Variants in PTH2R observed in about 807,000 individuals in gnomAD.
The protein encoded by PTH2R is parathyroid hormone 2 receptor, also known as PTH2 receptor.
PTH2R carries 59 observed loss-of-function variants against 60.3 expected under a neutral mutation model. That is an observed-to-expected ratio of 0.98 (90% CI 0.79 to 1.22). PTH2R has a LOEUF of 1.22. PTH2R is among the 50% of genes most tolerant of loss of function. The pLI is 0.00. For missense variants in PTH2R, 749 were observed against 682.6 expected (o/e 1.10, Z -1.08); for synonymous variants, 256 against 243.8 (o/e 1.05, Z -0.47).
chr2:208,481,336 G>A (rs866457803), intron 10 of PTH2R, among the ~76,000 whole-genome samples, 172 bp downstream of exon 10: 2 of 150,424 alleles, frequency 1.3e-5, no homozygotes, highest in Non-Finnish European at 2.9e-5. Flanking sequence ...TCAGCCTCCC[G>A]AGTAGCTGGG....
At chr2:208,388,482 C>T (rs1445025683) in intron 1 of PTH2R, among the ~76,000 whole-genome samples, 18 of 152,186 alleles carry the variant, frequency 1.2e-4, no homozygotes, top group Admixed American at 1.2e-3. Flanking sequence ...CATGTTCATA[C>T]CTGTGTCCCA....
chr2:208,483,668 G>T (rs1241396516), intron 10 of PTH2R, among the ~76,000 whole-genome samples: 2 of 152,190 alleles, frequency 1.3e-5, no homozygotes, highest in Admixed American at 6.5e-5. Flanking sequence ...ATAATCTGGT[G>T]CCCCAAAGAT....
intron 10 of PTH2R, among the ~76,000 whole-genome samples, chr2:208,481,704 G>A (rs961394001): frequency 2.7e-4 from 41 of 152,160 alleles, no homozygotes; most frequent in Non-Finnish European, 1.0e-4. Flanking sequence ...TTAGCAGATT[G>A]GGATGTTCTC....
At chr2:208,429,569 G>C (rs1200058046) in intron 2 of PTH2R, among the ~76,000 whole-genome samples, 22 of 151,874 alleles carry the variant, frequency 1.4e-4, no homozygotes, top group Non-Finnish European at 7.4e-5. Flanking sequence ...CTTCTTTCTT[G>C]GTTAGTATCT....
chr2:208,474,553 A>G (rs1426069012), intron 9 of PTH2R, among the ~76,000 whole-genome samples: 2 of 152,226 alleles, frequency 1.3e-5, no homozygotes, highest in Non-Finnish European at 2.9e-5. Context: ...CGGCATAGAG[A>G]TTAGCCCATG....
chr2:208,451,571 T>C lies in PTH2R; in HGVS notation c.914+762T>C, dbSNP rs16841227. On this transcript the variant is annotated intron_variant, in intron 8 of 12. Coordinates refer to ENST00000272847, the MANE Select transcript of PTH2R (RefSeq NM_005048.4). ...AGAGCTCAGTTGCCTCATGTGTCTT[T>C]AGTACCTGGGTTTAACACACGTGTG... Among the ~76,000 whole-genome samples the C allele has an allele frequency of 2.1e-3, 316 of 152,332 alleles. 2 individuals are homozygous for C. The East Asian group carries it at 0.029, about 14-fold the overall frequency.
chr2:208,365,674 C>T (rs1488068965), intron 1 of PTH2R, among the ~76,000 whole-genome samples: 3 of 150,156 alleles, frequency 2.0e-5, no homozygotes, highest in African/African-American at 7.3e-5. Context: ...CACACTAATG[C>T]TGCCCCTCAA....
chr2:208,435,550 G>A (rs183416081), intron 2 of PTH2R, among the ~76,000 whole-genome samples: 2 of 152,332 alleles, frequency 1.3e-5, no homozygotes, highest in East Asian at 1.9e-4. Flanking sequence ...GACTCAACCT[G>A]CCTTGCTGAC....
At position 208,437,400 on chromosome 2, in the gene PTH2R, C is replaced by G. The variant is rs573240401; in HGVS notation, c.179-137C>G. On this transcript the variant is annotated intron_variant, in intron 2 of 12. Coordinates refer to ENST00000272847, the MANE Select transcript of PTH2R (RefSeq NM_005048.4). ...GACATTTGCATCATATCTATTCTAT[C>G]TAGTTTCAAAAACTACCAATTTGTT... The G allele has an allele frequency of 4.5e-5, 28 of 620,264 alleles. 1 individual carries two copies. The highest frequency in any genetic ancestry group is 3.4e-4 in the South Asian group (15 of 43,804). 38.4% of individuals were successfully genotyped at this position (620,264 alleles called of 1,614,324 possible).
intron 9 of PTH2R, among the ~76,000 whole-genome samples, chr2:208,466,944 C>T (rs988839756): frequency 6.6e-6 from 1 of 152,052 alleles, no homozygotes; most frequent in Non-Finnish European, 1.5e-5. Context: ...CTTTTGGTAC[C>T]TATTTCTAAG....
intron 1 of PTH2R, among the ~76,000 whole-genome samples, chr2:208,408,740 A>AGAGAGAGAGAGAGAGAGAGAG (rs1553542827): frequency 3.2e-5 from 4 of 123,316 alleles, no homozygotes; most frequent in East Asian, 2.2e-4. Flanking sequence ...GAGAGAGAGA[A>AGAGAGAGAGAGAGAGAGAGAG]AGAGAGAGAG....
intron 1 of PTH2R, among the ~76,000 whole-genome samples, chr2:208,400,647 G>A (rs911458973): frequency 1.3e-5 from 2 of 152,012 alleles, no homozygotes; most frequent in African/African-American, 4.8e-5. Flanking sequence ...ATTTTAATGT[G>A]GGTAAAATCA....
chr2:208,397,699 G>C (rs1048275231), intron 1 of PTH2R, among the ~76,000 whole-genome samples: 3 of 152,212 alleles, frequency 2.0e-5, no homozygotes, highest in Admixed American at 1.3e-4. Context: ...GACCAGGTAT[G>C]TCATTCAAGT....
intron 1 of PTH2R, among the ~76,000 whole-genome samples, chr2:208,400,259 T>C (rs1374481849): frequency 6.6e-6 from 1 of 152,228 alleles, no homozygotes; most frequent in African/African-American, 2.4e-5. Context: ...AATGTCTAAA[T>C]TCTTCAAAAT....
intron 2 of PTH2R, among the ~76,000 whole-genome samples, chr2:208,433,441 C>T (rs539445751): frequency 6.6e-6 from 1 of 152,260 alleles, no homozygotes; most frequent in South Asian, 2.1e-4. Context: ...TTACATTCTT[C>T]TAAAATCAAG....
At chr2:208,480,946 CT>C in intron 9 of PTH2R, 123 bp from the exon 10 acceptor site, 1 of 651,726 alleles carries the variant, frequency 1.5e-6, no homozygotes, top group South Asian at 1.9e-5. Flanking sequence ...TCAGGTTCCC[CT>C]GTTCACATTT....
At chr2:208,460,639 A>T (rs1574894081) in intron 9 of PTH2R, among the ~76,000 whole-genome samples, 1 of 152,086 alleles carries the variant, frequency 6.6e-6, no homozygotes, top group African/African-American at 2.4e-5. Context: ...ACAAAACCAC[A>T]CACTTCTTTG....
chr2:208,379,133 T>C (rs1251664098), intron 1 of PTH2R, among the ~76,000 whole-genome samples: 1 of 152,200 alleles, frequency 6.6e-6, no homozygotes, highest in African/African-American at 2.4e-5. Context: ...CATTATCACT[T>C]AGTCTCTAAC....
chr2:208,443,740 T>G (rs1002796379), intron 6 of PTH2R, among the ~76,000 whole-genome samples: 1 of 152,166 alleles, frequency 6.6e-6, no homozygotes, highest in Admixed American at 6.5e-5. Context: ...AGTTCTTGGG[T>G]TTTTTCCTCA....
Sources: gnomAD v4.1 joint callset for allele counts (sites outside exome capture counted in the v4.1 genomes callset) on GRCh38, gnomAD v4.1.1 for gene constraint, MANE v1.5 for transcripts, NCBI Gene and HGNC (gene_info 2026-07-23, HGNC 2026-07-21) for gene names.